The following TBC1D9B variants were observed in gnomAD, a reference collection of about 807,000 sequenced individuals.
TBC1D9B encodes TBC1 domain family, member 9B (with GRAM domain).
A neutral mutation model predicts 121.1 loss-of-function variants in TBC1D9B; 87 were observed. That is an observed-to-expected ratio of 0.72 (90% CI 0.60 to 0.86). The LOEUF (loss-of-function observed/expected upper bound fraction) is 0.86, where lower values mean the gene tolerates loss of function less well. TBC1D9B is among the 40% of genes least tolerant of loss of function. TBC1D9B has a pLI of 0.00. For missense variants in TBC1D9B, 1,540 were observed against 1,628.6 expected, an observed-to-expected ratio of 0.95 and a Z score of 0.94; for synonymous variants, 668 against 670.1, an observed-to-expected ratio of 1.00 and a Z score of 0.05.
At chr5:179,893,142 C>A in intron 5 of TBC1D9B, 67 bp downstream of exon 5, 1 of 1,531,282 alleles carries the variant, frequency 6.5e-7, no homozygotes, top group Non-Finnish European at 8.7e-7. Flanking sequence ...TTGGACCAGG[C>A]AGGTCCCAGC....
intron 9 of TBC1D9B, 78 bp from the exon 10 acceptor site, chr5:179,878,601 C>T (rs926129414): frequency 1.4e-6 from 2 of 1,388,362 alleles, no homozygotes; most frequent in Non-Finnish European, 2.0e-6. Context: ...GTTGGAGTCA[C>T]CGGGTGCCCC....
chr5:179,877,615 G>A lies in TBC1D9B; in HGVS notation c.1782+694C>T, dbSNP rs1424833625. 2.8e-5 allele frequency among the ~76,000 whole-genome samples: 4 copies of A among 142,752 alleles called. No individual in the cohort carries two copies. In the Admixed American group the frequency reaches 2.9e-4, roughly 10 times the overall value. The allele number at this position is 142,752 out of a possible 152,430, so 93.7% of individuals were successfully genotyped here. A position where few individuals can be genotyped will look rare whatever the true frequency, so the allele number is the denominator to read the frequency against. On this transcript the variant is annotated intron_variant, in intron 10 of 20. Coordinates refer to ENST00000355235, the MANE Select transcript of TBC1D9B (RefSeq NM_015043.4). ...GGTGGTAGAGGTTGCAGTGAGCTGA[G>A]ACTGCACCACTGCACTCCAGCCTGG...
Position 179,865,077 on chromosome 5 carries a change from G to T in TBC1D9B, c.3021+177C>A, listed in dbSNP as rs1000912069. 1.3e-5 allele frequency among the ~76,000 whole-genome samples: 2 copies of T among 152,210 alleles called. No homozygotes were observed. The highest frequency in any genetic ancestry group is 2.9e-5 in the Non-Finnish European group (2 of 68,034). On this transcript the variant is annotated intron_variant, in intron 20 of 20. Coordinates refer to ENST00000355235, the MANE Select transcript of TBC1D9B (RefSeq NM_015043.4). The surrounding 1 kb of genome is among the most constrained non-coding windows in gnomAD (Gnocchi z 5.1). ...CCCTATACAAGGCCCTGGAGCAACT[G>T]GCCTCTTGTCTTTCTGGAATCATCG...
chr5:179,906,943 G>T (rs1275144941), intron 1 of TBC1D9B, among the ~76,000 whole-genome samples: 1 of 152,228 alleles, frequency 6.6e-6, no homozygotes, highest in Non-Finnish European at 1.5e-5. Flanking sequence ...GCAGGCCCTG[G>T]AGCATGAGGG....
At chr5:179,894,764 T>C (rs1300391240) in intron 3 of TBC1D9B, 150 bp from the exon 4 acceptor site, 1 of 725,888 alleles carries the variant, frequency 1.4e-6, no homozygotes, top group Non-Finnish European at 2.2e-6. Flanking sequence ...TCTTGCTGGC[T>C]TGCAGTCAAG....
At position 179,875,216 on chromosome 5, in the gene TBC1D9B, T is replaced by G. The variant is rs780539468; in HGVS notation, c.1901-29A>C. 6.9e-6 allele frequency: 11 copies of G among 1,605,198 alleles called. No homozygotes were observed. In the Admixed American group the frequency reaches 1.3e-4, roughly 20 times the overall value. ...CGGGCAGGATGAGCGAGGCTGATGG[T>G]GAGCCCACCCTGTGGCCTGGGTGGG... On this transcript the variant is annotated intron_variant, in intron 11 of 20. Coordinates refer to ENST00000355235, the MANE Select transcript of TBC1D9B (RefSeq NM_015043.4). The surrounding 1 kb of genome is among the most constrained non-coding windows in gnomAD (Gnocchi z 4.5).
chr5:179,867,414 C>G (rs991968868), intron 18 of TBC1D9B: 6 of 1,546,894 alleles, frequency 3.9e-6, no homozygotes, highest in Non-Finnish European at 5.2e-6. Flanking sequence ...TTAGGAGGTA[C>G]AGGGGGCGCC....
At position 179,865,890 on chromosome 5, in the gene TBC1D9B, T is replaced by G; in HGVS notation, c.2864-2A>C. ...CTTGCTCTTCCTGTGGTAGTGCTTC[T>G]GGACAAACGCAAAAATAAAAAGAAC... On this transcript the variant is annotated splice_acceptor_variant, in intron 18 of 20. Coordinates refer to ENST00000355235, the MANE Select transcript of TBC1D9B (RefSeq NM_015043.4). LOFTEE classifies it high-confidence loss of function. The surrounding 1 kb of genome is among the most constrained non-coding windows in gnomAD (Gnocchi z 5.1). 6.2e-7 allele frequency: 1 copy of G among 1,613,976 alleles called. No homozygotes were observed. Among genetic ancestry groups the G allele is most frequent in the Non-Finnish European group, 8.5e-7 (1 of 1,179,892 alleles).
chr5:179,863,343 G>T lies in TBC1D9B; in HGVS notation c.*105C>A, dbSNP rs1759901280. 2 of 1,323,530 alleles carry T rather than the reference G, an allele frequency of 1.5e-6. No individual in the cohort carries two copies. Among genetic ancestry groups the T allele is most frequent in the Non-Finnish European group, 1.0e-6 (1 of 966,946 alleles). The allele number at this position is 1,323,530 out of a possible 1,614,324, so 82.0% of individuals were successfully genotyped here. On this transcript the variant is annotated 3_prime_UTR_variant, in exon 21 of 21. Transcript: ENST00000355235. The surrounding 1 kb of genome is among the most constrained non-coding windows in gnomAD (Gnocchi z 4.5). ...ACAACTCACTGCTCCTGGGAGAGCAGGAGGGGCACACCTTTAAAGAGAAAC... is the reference window on the plus strand; with the variant it reads ...ACAACTCACTGCTCCTGGGAGAGCATGAGGGGCACACCTTTAAAGAGAAAC...
At chr5:179,876,102 CCCACCCCTCCCAG>C (rs1416370784) in intron 10 of TBC1D9B, 65 bp from the exon 11 acceptor site, 8 of 1,313,408 alleles carry the variant, frequency 6.1e-6, no homozygotes, top group Admixed American at 2.1e-5. Context: ...ACTGTCTCTC[CCCACCCCTCCCAG>C]CCACCCCTCC....
intron 2 of TBC1D9B, among the ~76,000 whole-genome samples, chr5:179,903,851 A>C (rs937607481): frequency 3.3e-5 from 5 of 152,166 alleles, no homozygotes; most frequent in African/African-American, 1.2e-4. Context: ...AGAGACTGTG[A>C]ACAGGACACG....
intron 15 of TBC1D9B, among the ~76,000 whole-genome samples, 157 bp downstream of exon 15, chr5:179,871,305 G>A (rs1361967094): frequency 1.3e-5 from 2 of 152,196 alleles, no homozygotes; most frequent in African/African-American, 4.8e-5. Flanking sequence ...GGAGGTTCAT[G>A]GCAACTGCAT....
At chr5:179,879,493 G>A (rs2113620474) in intron 8 of TBC1D9B, 135 bp downstream of exon 8, 2 of 1,372,374 alleles carry the variant, frequency 1.5e-6, no homozygotes, top group Admixed American at 1.9e-5. Context: ...CGCTGCCAGG[G>A]TGCAGCCTGG....
chr5:179,870,523 C>T (rs750283556), intron 15 of TBC1D9B, 28 bp from the exon 16 acceptor site: 2 of 1,587,712 alleles, frequency 1.3e-6, no homozygotes, highest in Non-Finnish European at 1.7e-6. Context: ...GTGAGACGGT[C>T]CAGCCGCTAA....
chr5:179,891,701 T>A lies in TBC1D9B; in HGVS notation c.837-115A>T. The A allele has an allele frequency of 8.3e-7, 1 of 1,198,562 alleles. No individual in the cohort carries two copies. The highest frequency in any genetic ancestry group is 1.2e-6 in the Non-Finnish European group (1 of 853,380). The allele number at this position is 1,198,562 out of a possible 1,614,324, so 74.2% of individuals were successfully genotyped here. On this transcript the variant is annotated intron_variant, in intron 5 of 20. Coordinates refer to ENST00000355235, the MANE Select transcript of TBC1D9B (RefSeq NM_015043.4). The surrounding 1 kb of genome is among the most constrained non-coding windows in gnomAD (Gnocchi z 4.3). Reference sequence around the variant, plus strand: ...GTTTCCACATCAGATTCAGGATCCCTGGGGTGGTCCCTTGAGCAAGTCATG... The same window carrying A: ...GTTTCCACATCAGATTCAGGATCCCAGGGGTGGTCCCTTGAGCAAGTCATG...
At chr5:179,872,850 C>A in intron 14 of TBC1D9B, 42 bp downstream of exon 14, 12 of 1,468,888 alleles carry the variant, frequency 8.2e-6, no homozygotes, top group East Asian at 2.3e-5. Flanking sequence ...GCACTGCTGC[C>A]CCCCCAGCCC....
intron 16 of TBC1D9B, 47 bp from the exon 17 acceptor site, chr5:179,869,881 A>C: frequency 6.6e-7 from 1 of 1,508,782 alleles, no homozygotes; most frequent in South Asian, 1.3e-5. Context: ...ATGGCTGCAG[A>C]GCCCCTTCCA....
In TBC1D9B at chr5:179,875,338, G is replaced by A. The variant is rs551454876; in HGVS notation, c.1901-151C>T. The A allele has an allele frequency of 5.2e-5, 50 of 966,994 alleles. 1 individual carries two copies. In the East Asian group the frequency reaches 1.2e-3, roughly 22 times the overall value. 59.9% of individuals were successfully genotyped at this position (966,994 alleles called of 1,614,324 possible). ...TGGAGTGCTGGGAGAAAACAAGGAC[G>A]AAAAAACCCTTCAAGTCTCTCTACA... On this transcript the variant is annotated intron_variant, in intron 11 of 20. Coordinates refer to ENST00000355235, the MANE Select transcript of TBC1D9B (RefSeq NM_015043.4). The surrounding 1 kb of genome is among the most constrained non-coding windows in gnomAD (Gnocchi z 4.5).
At chr5:179,877,155 C>T (rs1017703660) in intron 10 of TBC1D9B, among the ~76,000 whole-genome samples, 4 of 142,674 alleles carry the variant, frequency 2.8e-5, no homozygotes, top group East Asian at 4.1e-4. Flanking sequence ...GAGGCTGAGG[C>T]GGAAAGATCA....
Sources: gnomAD v4.1 joint callset for allele counts (sites outside exome capture counted in the v4.1 genomes callset) on GRCh38, gnomAD v4.1.1 for gene constraint, Gnocchi (gnomAD v3.1) non-coding constraint, MANE v1.5 for transcripts, NCBI Gene and HGNC (gene_info 2026-07-23, HGNC 2026-07-21) for gene names.